The following PRDM6 variants were observed in gnomAD, a reference collection of about 807,000 sequenced individuals.
The protein encoded by PRDM6 is putative histone-lysine N-methyltransferase PRDM6.
In PRDM6, 25 loss-of-function variants were observed where a neutral mutation model predicts 60.8. That is an observed-to-expected ratio of 0.41 (90% CI 0.30 to 0.57). The LOEUF (loss-of-function observed/expected upper bound fraction) is 0.57. PRDM6 is among the 20% of genes least tolerant of loss of function. The pLI, the probability that PRDM6 is intolerant of heterozygous loss-of-function variation, is 0.27. For missense variants in PRDM6, 839 were observed against 821.3 expected (o/e 1.02, Z -0.26); for synonymous variants, 407 against 357.4 (o/e 1.14, Z -1.57).
chr5:123,148,269 A>G (rs1460457590), intron 3 of PRDM6, among the ~76,000 whole-genome samples: 1 of 152,244 alleles, frequency 6.6e-6, no homozygotes, highest in Non-Finnish European at 1.5e-5. Context: ...CTGAAAATAC[A>G]GCAATGGTGT....
At chr5:123,160,391 C>G (rs566945349) in intron 5 of PRDM6, among the ~76,000 whole-genome samples, 1 of 152,212 alleles carries the variant, frequency 6.6e-6, no homozygotes, top group Non-Finnish European at 1.5e-5. Flanking sequence ...TTCTGATATG[C>G]TTCAGTGAGA....
At chr5:123,148,625 G>A (rs1305796545) in intron 3 of PRDM6, among the ~76,000 whole-genome samples, 1 of 151,636 alleles carries the variant, frequency 6.6e-6, no homozygotes, top group Non-Finnish European at 1.5e-5. Context: ...TGGTCATTAT[G>A]ACACATTGCG....
At chr5:123,139,999 A>C (rs1455146501) in intron 3 of PRDM6, among the ~76,000 whole-genome samples, 1 of 152,180 alleles carries the variant, frequency 6.6e-6, no homozygotes, top group East Asian at 1.9e-4. Context: ...AAGGGCAGCA[A>C]ATCTTGCACT....
At chr5:123,090,664 C>T (rs1763816370) in intron 2 of PRDM6, 58 bp downstream of exon 2, 2 of 1,060,306 alleles carry the variant, frequency 1.9e-6, no homozygotes, top group Non-Finnish European at 2.4e-6. Context: ...CGCCGGCGGG[C>T]GCGGGTGCCT....
chr5:123,167,188 A>G lies in PRDM6; in HGVS notation c.1154-3578A>G, dbSNP rs192488144. Reference sequence around the variant, plus strand: ...ACCCAGGCTGGAGTGTAGTGGCATGATCATATACAATAGAGCATTGTAAAC... The same window carrying G: ...ACCCAGGCTGGAGTGTAGTGGCATGGTCATATACAATAGAGCATTGTAAAC... On this transcript the variant is annotated intron_variant, in intron 5 of 7. Coordinates refer to ENST00000407847, the MANE Select transcript of PRDM6 (RefSeq NM_001136239.4). Among the ~76,000 whole-genome samples, 258 of 150,438 alleles carry G rather than the reference A, an allele frequency of 1.7e-3. 4 individuals are homozygous for G. The highest frequency in any genetic ancestry group is 4.1e-4 in the Non-Finnish European group (28 of 67,542).
Position 123,130,084 on chromosome 5 carries a change from C to A in PRDM6, c.901-25800C>A, listed in dbSNP as rs1441813272. Among the ~76,000 whole-genome samples the A allele has an allele frequency of 4.1e-5, 4 of 98,276 alleles. 1 individual carries two copies. Among genetic ancestry groups the A allele is most frequent in the African/African-American group, 1.7e-4 (4 of 22,932 alleles). The allele number at this position is 98,276 out of a possible 152,430, so 64.5% of individuals were successfully genotyped here. On this transcript the variant is annotated intron_variant, in intron 3 of 7. Coordinates refer to ENST00000407847, the MANE Select transcript of PRDM6 (RefSeq NM_001136239.4). ...TCCTTTCCTTCCCTTCCTTTCCTTT[C>A]TATTCCCTCCCCTCCCCTCCCCTCC...
chr5:123,141,575 G>T (rs190157050), intron 3 of PRDM6, among the ~76,000 whole-genome samples: 1 of 152,136 alleles, frequency 6.6e-6, no homozygotes, highest in Admixed American at 6.5e-5. Flanking sequence ...ACAAGAATGA[G>T]CTTGGAGAAA....
chr5:123,132,027 C>CT (rs1660584605), intron 3 of PRDM6, among the ~76,000 whole-genome samples: 1 of 152,308 alleles, frequency 6.6e-6, no homozygotes, highest in African/African-American at 2.4e-5. Context: ...ATATAAAGCA[C>CT]TTAGAACAGT....
At chr5:123,118,035 A>G (rs969915823) in intron 3 of PRDM6, among the ~76,000 whole-genome samples, 5 of 152,254 alleles carry the variant, frequency 3.3e-5, no homozygotes, top group Non-Finnish European at 7.3e-5. Context: ...TGAGGGAGAC[A>G]TTGGATACCT....
At chr5:123,169,316 T>A (rs1411701854) in intron 5 of PRDM6, among the ~76,000 whole-genome samples, 1 of 152,224 alleles carries the variant, frequency 6.6e-6, no homozygotes, top group Non-Finnish European at 1.5e-5. Context: ...CACTAATGTC[T>A]TAATAAAAAG....
chr5:123,119,017 A>G (rs1764519314), intron 3 of PRDM6, among the ~76,000 whole-genome samples: 1 of 152,178 alleles, frequency 6.6e-6, no homozygotes, highest in African/African-American at 2.4e-5. Context: ...GAGGAAACAA[A>G]CAAAAAACAA....
At chr5:123,141,522 T>C (rs1227562303) in intron 3 of PRDM6, among the ~76,000 whole-genome samples, 1 of 152,158 alleles carries the variant, frequency 6.6e-6, no homozygotes, top group Admixed American at 6.5e-5. Context: ...ATATTTCTTT[T>C]ATTTTTTGCT....
chr5:123,157,044 G>T (rs955422239), intron 4 of PRDM6, among the ~76,000 whole-genome samples: 1 of 151,312 alleles, frequency 6.6e-6, no homozygotes, highest in Non-Finnish European at 1.5e-5. Flanking sequence ...CCTGCCTATG[G>T]CTATTTATTT....
intron 6 of PRDM6, among the ~76,000 whole-genome samples, chr5:123,176,376 A>G (rs1050786633): frequency 1.2e-4 from 18 of 152,108 alleles, no homozygotes; most frequent in South Asian, 4.2e-4. Context: ...GTGAAGTGCT[A>G]TATGTCTATG....
chr5:123,178,966 C>T (rs1766078033), intron 6 of PRDM6, among the ~76,000 whole-genome samples: 1 of 152,212 alleles, frequency 6.6e-6, no homozygotes. Context: ...ATGTCTGGCT[C>T]ATAAGCCAGG....
Position 123,154,940 on chromosome 5 carries a change from T to C in PRDM6, c.901-944T>C, listed in dbSNP as rs113727439. Among the ~76,000 whole-genome samples the C allele has an allele frequency of 9.6e-3, 1,458 of 152,260 alleles. 26 individuals are homozygous for C. The highest frequency in any genetic ancestry group is 0.033 in the African/African-American group (1,373 of 41,534). ...AGTGACTTTCTAGAATTGCTGTGGA[T>C]ACATGACCGCCTCATCTCCCACTCC... On this transcript the variant is annotated intron_variant, in intron 3 of 7. Coordinates refer to ENST00000407847, the MANE Select transcript of PRDM6 (RefSeq NM_001136239.4).
chr5:123,111,973 A>G (rs145472178), intron 3 of PRDM6, among the ~76,000 whole-genome samples: 363 of 152,214 alleles, frequency 2.4e-3, no homozygotes, highest in African/African-American at 8.5e-3. Flanking sequence ...CTCCCCAGAT[A>G]TAGATAGATG....
chr5:123,090,632 T>C, intron 2 of PRDM6, 26 bp downstream of exon 2: 1 of 1,337,114 alleles, frequency 7.5e-7, no homozygotes, highest in Non-Finnish European at 9.6e-7. Flanking sequence ...CCGCGCGCTC[T>C]CTCCCGGGGC....
chr5:123,135,051 T>C (rs1002806225), intron 3 of PRDM6, among the ~76,000 whole-genome samples: 4 of 151,210 alleles, frequency 2.6e-5, no homozygotes, highest in Non-Finnish European at 5.9e-5. Flanking sequence ...TTAAAAACTT[T>C]TGCTGAAAGC....
Sources: gnomAD v4.1 joint callset for allele counts (sites outside exome capture counted in the v4.1 genomes callset) on GRCh38, gnomAD v4.1.1 for gene constraint, MANE v1.5 for transcripts, NCBI Gene and HGNC (gene_info 2026-07-23, HGNC 2026-07-21) for gene names.